Variants in CACNA2D1 observed in about 807,000 individuals in gnomAD.
The protein encoded by CACNA2D1 is voltage-dependent calcium channel subunit alpha-2/delta-1.
In CACNA2D1, 53 loss-of-function variants were observed where a neutral mutation model predicts 171.5. The ratio of observed to expected loss-of-function variants is 0.31; its 90% CI spans 0.25 to 0.39. The LOEUF (loss-of-function observed/expected upper bound fraction) is 0.39, where lower values mean the gene tolerates loss of function less well. Ranked by LOEUF, CACNA2D1 falls within the 10% of genes least tolerant of loss-of-function variation. CACNA2D1 has a pLI of 1.00. For synonymous variants in CACNA2D1, 442 were observed against 443.1 expected, an observed-to-expected ratio of 1.00 and a Z score of 0.03; for missense variants, 903 against 1,299.8, an observed-to-expected ratio of 0.69 and a Z score of 4.69.
chr7:82,139,776 A>G (rs1354019044), intron 4 of CACNA2D1, among the ~76,000 whole-genome samples: 7 of 146,508 alleles, frequency 4.8e-5, no homozygotes, highest in Non-Finnish European at 7.5e-5. Flanking sequence ...AGTATTTGAC[A>G]TTTCCTTTTT....
At chr7:82,017,953 A>G (rs1288482007) in intron 12 of CACNA2D1, among the ~76,000 whole-genome samples, 1 of 152,162 alleles carries the variant, frequency 6.6e-6, no homozygotes, top group East Asian at 1.9e-4. Flanking sequence ...CTAGTAGTAT[A>G]TTTATAATCA....
chr7:82,256,518 T>C (rs1377760269), intron 3 of CACNA2D1, among the ~76,000 whole-genome samples: 2 of 152,194 alleles, frequency 1.3e-5, no homozygotes, highest in Non-Finnish European at 2.9e-5. Context: ...GAAGAGCATG[T>C]AATCATTGCA....
intron 1 of CACNA2D1, among the ~76,000 whole-genome samples, chr7:82,380,986 C>A (rs934612349): frequency 6.6e-6 from 1 of 151,938 alleles, no homozygotes; most frequent in Admixed American, 6.5e-5. Flanking sequence ...TGAGCCACTG[C>A]GCCCGGCCAC....
At chr7:81,967,282 T>G in intron 30 of CACNA2D1, 75 bp from the exon 31 acceptor site, 2 of 1,173,162 alleles carry the variant, frequency 1.7e-6, no homozygotes, top group Non-Finnish European at 2.5e-6. Flanking sequence ...ATGTTATAAT[T>G]AGAAATTCTG....
chr7:82,410,747 T>C (rs1232190942), intron 1 of CACNA2D1, among the ~76,000 whole-genome samples: 4 of 152,226 alleles, frequency 2.6e-5, no homozygotes, highest in Non-Finnish European at 5.9e-5. Context: ...ACTTGTACTC[T>C]TCTATTTCTG....
chr7:82,374,319 T>C (rs1822760478), intron 1 of CACNA2D1, among the ~76,000 whole-genome samples: 1 of 152,294 alleles, frequency 6.6e-6, no homozygotes, highest in South Asian at 2.1e-4. Flanking sequence ...ACAATATAAT[T>C]GACCAGATGT....
intron 3 of CACNA2D1, among the ~76,000 whole-genome samples, chr7:82,235,091 G>A (rs1803399295): frequency 6.6e-6 from 1 of 151,794 alleles, no homozygotes; most frequent in Non-Finnish European, 1.5e-5. Context: ...GGCTAAGTGA[G>A]CACACTAAAA....
At chr7:82,439,486 GTATA>G (rs1830340289) in intron 1 of CACNA2D1, among the ~76,000 whole-genome samples, 1 of 151,632 alleles carries the variant, frequency 6.6e-6, no homozygotes. Flanking sequence ...CAAATTTTAT[GTATA>G]TTTATTAAAT....
intron 12 of CACNA2D1, among the ~76,000 whole-genome samples, chr7:82,020,374 C>A (rs775390321): frequency 6.6e-6 from 1 of 152,104 alleles, no homozygotes; most frequent in Non-Finnish European, 1.5e-5. Flanking sequence ...TGACTTTCAG[C>A]AAGTTACTTT....
At chr7:81,987,980 T>C (rs37093) in intron 21 of CACNA2D1, among the ~76,000 whole-genome samples, 80,740 of 151,980 alleles carry the variant, frequency 0.53, 23,899 homozygotes, top group African/African-American at 0.81. Context: ...ATTCGCCTGC[T>C]CACACTGTGT....
At chr7:82,228,243 C>A (rs942123696) in intron 3 of CACNA2D1, among the ~76,000 whole-genome samples, 4 of 152,104 alleles carry the variant, frequency 2.6e-5, no homozygotes, top group Non-Finnish European at 5.9e-5. Context: ...AAGCAAGCCA[C>A]CATGAGTTTT....
intron 1 of CACNA2D1, among the ~76,000 whole-genome samples, chr7:82,401,638 G>A (rs894891758): frequency 1.7e-4 from 26 of 151,528 alleles, no homozygotes; most frequent in African/African-American, 5.6e-4. Flanking sequence ...GCGCACCAGC[G>A]TGGCACATGT....
At chr7:82,310,192 G>C (rs1441288498) in intron 3 of CACNA2D1, among the ~76,000 whole-genome samples, 1 of 151,494 alleles carries the variant, frequency 6.6e-6, no homozygotes, top group Admixed American at 6.6e-5. Flanking sequence ...TTACTTCCTA[G>C]GTTTTCACTA....
intron 7 of CACNA2D1, among the ~76,000 whole-genome samples, chr7:82,082,248 C>T (rs1285114030): frequency 6.6e-6 from 1 of 152,012 alleles, no homozygotes; most frequent in African/African-American, 2.4e-5. Context: ...TTCTTTGTAC[C>T]CACATTTCAT....
chr7:82,333,893 A>G (rs1410607820), intron 3 of CACNA2D1, among the ~76,000 whole-genome samples: 3 of 152,192 alleles, frequency 2.0e-5, no homozygotes, highest in African/African-American at 2.4e-5. Context: ...TTATGTGTAT[A>G]ACCTCAGGTT....
chr7:81,967,246 A>C (rs1794802477), intron 30 of CACNA2D1, 39 bp from the exon 31 acceptor site: 1 of 1,544,770 alleles, frequency 6.5e-7, no homozygotes, highest in Admixed American at 1.7e-5. Flanking sequence ...CACTTTTAAA[A>C]GTTGGATTTT....
intron 3 of CACNA2D1, among the ~76,000 whole-genome samples, chr7:82,224,948 A>G (rs1802194372): frequency 6.6e-6 from 1 of 152,216 alleles, no homozygotes; most frequent in South Asian, 2.1e-4. Flanking sequence ...TACATCAACT[A>G]TTTAATGATC....
At chr7:82,256,900 T>C (rs1806374970) in intron 3 of CACNA2D1, among the ~76,000 whole-genome samples, 1 of 152,216 alleles carries the variant, frequency 6.6e-6, no homozygotes, top group African/African-American at 2.4e-5. Context: ...TCTGTGAATA[T>C]ACTATTGTCA....
At chr7:82,416,888 C>T (rs115463720) in intron 1 of CACNA2D1, among the ~76,000 whole-genome samples, 119 of 152,228 alleles carry the variant, frequency 7.8e-4, no homozygotes, top group African/African-American at 2.6e-3. Context: ...TTGATATTAA[C>T]GGTTTGCATA....
Sources: allele counts gnomAD v4.1 joint callset (sites outside exome capture counted in the v4.1 genomes callset), GRCh38; gene constraint gnomAD v4.1.1; transcripts MANE v1.5; gene names NCBI Gene and HGNC (gene_info 2026-07-23, HGNC 2026-07-21).